The following PAPPA2 variants were observed in gnomAD, a reference collection of about 807,000 sequenced individuals.
The protein encoded by PAPPA2 is pappalysin-2.
A neutral mutation model predicts 176.4 loss-of-function variants in PAPPA2; 86 were observed. The ratio of observed to expected loss-of-function variants is 0.49; its 90% CI spans 0.41 to 0.58. PAPPA2 has a LOEUF of 0.58. Among genes scored for constraint, PAPPA2 ranks in the 20% least tolerant of loss-of-function variants. The pLI is 0.00. For synonymous variants in PAPPA2, 809 were observed against 852.2 expected (o/e 0.95, Z 0.88); for missense variants, 2,073 against 2,256.9 (o/e 0.92, Z 1.65).
At chr1:176,629,922 A>G (rs1656248978) in intron 3 of PAPPA2, among the ~76,000 whole-genome samples, 1 of 152,070 alleles carries the variant, frequency 6.6e-6, no homozygotes, top group South Asian at 2.1e-4. Context: ...GTAAGGGTGT[A>G]GTGGCGGGCA....
chr1:176,587,212 G>A (rs542449891), intron 2 of PAPPA2, among the ~76,000 whole-genome samples: 1 of 151,944 alleles, frequency 6.6e-6, no homozygotes, highest in East Asian at 1.9e-4. Context: ...TGGATAGACT[G>A]CAAAAATTTT....
At chr1:176,665,497 A>G (rs1016868242) in intron 3 of PAPPA2, among the ~76,000 whole-genome samples, 2 of 152,184 alleles carry the variant, frequency 1.3e-5, no homozygotes, top group Admixed American at 1.3e-4. Flanking sequence ...AATTCTTGCC[A>G]GAAATGGAGA....
Position 176,556,200 on chromosome 1 carries a change from G to A in PAPPA2, c.-123G>A. On this transcript the variant is annotated 5_prime_UTR_variant, in exon 2 of 23. Coordinates refer to ENST00000367662, the MANE Select transcript of PAPPA2 (RefSeq NM_020318.3). ...GGCTATTTGAAAAAGTTTGGTCTGT[G>A]AACAAAACAGTTTCCCTGGTGACTG... is the stretch of plus-strand genomic sequence containing the variant. 1.6e-6 allele frequency: 2 copies of A among 1,213,646 alleles called. No homozygotes were observed. The highest frequency in any genetic ancestry group is 1.5e-5 in the South Asian group (1 of 68,010). 75.2% of individuals were successfully genotyped at this position (1,213,646 alleles called of 1,614,324 possible).
intron 21 of PAPPA2, among the ~76,000 whole-genome samples, chr1:176,802,905 C>T (rs533756833): frequency 2.0e-5 from 3 of 152,350 alleles, no homozygotes; most frequent in African/African-American, 7.2e-5. Context: ...TTTAAAAACT[C>T]TTATCTAAAT....
At chr1:176,778,048 TAA>T (rs57909250) in intron 17 of PAPPA2, among the ~76,000 whole-genome samples, 10 of 130,716 alleles carry the variant, frequency 7.7e-5, no homozygotes, top group African/African-American at 1.9e-4. Context: ...CAAAACAAAT[TAA>T]AAAAAAAAAA....
intron 3 of PAPPA2, among the ~76,000 whole-genome samples, chr1:176,614,957 T>C (rs1297269651): frequency 6.6e-6 from 1 of 152,056 alleles, no homozygotes; most frequent in Non-Finnish European, 1.5e-5. Context: ...GTAAGTGAGA[T>C]TGGGAAGAGA....
intron 17 of PAPPA2, among the ~76,000 whole-genome samples, chr1:176,779,905 C>A (rs1350645898): frequency 1.3e-5 from 2 of 152,160 alleles, no homozygotes; most frequent in Non-Finnish European, 2.9e-5. Flanking sequence ...CCGATTCTCC[C>A]TTTTCAGTCA....
chr1:176,844,809 G>A lies in PAPPA2; in HGVS notation c.*2355G>A, dbSNP rs1270043441. ...TTATCCTGGGCATTACTCAGCTCAG[G>A]AACATGGAGCCTGTGGTTCATGCCA... On this transcript the variant is annotated 3_prime_UTR_variant, in exon 23 of 23. Transcript: ENST00000367662. 1.3e-5 allele frequency: 2 copies of A among 152,158 alleles called. No homozygotes were observed. Among genetic ancestry groups the A allele is most frequent in the Non-Finnish European group, 2.9e-5 (2 of 68,038 alleles). 9.4% of individuals were successfully genotyped at this position (152,158 alleles called of 1,614,324 possible).
At chr1:176,711,734 A>G (rs1661154301) in intron 11 of PAPPA2, 101 bp from the exon 12 acceptor site, 3 of 1,346,472 alleles carry the variant, frequency 2.2e-6, no homozygotes, top group Non-Finnish European at 3.1e-6. Flanking sequence ...TTAGGCATTC[A>G]GAAAGAGAGA....
intron 21 of PAPPA2, among the ~76,000 whole-genome samples, chr1:176,825,884 A>T (rs1268700053): frequency 6.6e-6 from 1 of 152,198 alleles, no homozygotes; most frequent in Non-Finnish European, 1.5e-5. Context: ...AGAACCATTG[A>T]TACGAAGAGT....
chr1:176,710,398 G>A (rs571440778), intron 11 of PAPPA2, among the ~76,000 whole-genome samples: 1 of 152,214 alleles, frequency 6.6e-6, no homozygotes, highest in African/African-American at 2.4e-5. Context: ...CTGGAAAAAT[G>A]GGTATAGTAA....
At chr1:176,824,412 T>C (rs1335034840) in intron 21 of PAPPA2, among the ~76,000 whole-genome samples, 1 of 152,256 alleles carries the variant, frequency 6.6e-6, no homozygotes, top group Non-Finnish European at 1.5e-5. Flanking sequence ...CACATTTGGC[T>C]AAGTGATGCT....
At chr1:176,603,573 A>G (rs569714528) in intron 3 of PAPPA2, among the ~76,000 whole-genome samples, 18 of 152,304 alleles carry the variant, frequency 1.2e-4, no homozygotes, top group East Asian at 1.2e-3. Flanking sequence ...GCGCTGTCCA[A>G]TGGTTGTGGA....
At chr1:176,503,256 A>G (rs563206055) in intron 1 of PAPPA2, among the ~76,000 whole-genome samples, 1 of 152,270 alleles carries the variant, frequency 6.6e-6, no homozygotes, top group South Asian at 2.1e-4. Context: ...TCACTCTGAC[A>G]GTGATGAAGA....
At chr1:176,492,149 G>A (rs1647324233) in intron 1 of PAPPA2, among the ~76,000 whole-genome samples, 2 of 152,176 alleles carry the variant, frequency 1.3e-5, no homozygotes, top group African/African-American at 4.8e-5. Flanking sequence ...ACTCAATGGT[G>A]CTCACAGAGC....
chr1:176,628,873 A>G (rs1656180980), intron 3 of PAPPA2, among the ~76,000 whole-genome samples: 1 of 152,206 alleles, frequency 6.6e-6, no homozygotes, highest in Non-Finnish European at 1.5e-5. Context: ...TGCTCTTCAC[A>G]AGATATATTG....
intron 12 of PAPPA2, among the ~76,000 whole-genome samples, chr1:176,717,054 C>G (rs1661411976): frequency 6.6e-6 from 1 of 152,166 alleles, no homozygotes; most frequent in Admixed American, 6.5e-5. Context: ...AGGCAGAAAG[C>G]AAAGTAAAAT....
At chr1:176,545,271 C>A (rs565867642) in intron 1 of PAPPA2, among the ~76,000 whole-genome samples, 1 of 152,152 alleles carries the variant, frequency 6.6e-6, no homozygotes, top group Non-Finnish European at 1.5e-5. Flanking sequence ...AAAAAATGCT[C>A]CTTTCACCTT....
chr1:176,790,174 A>T (rs138734696), intron 18 of PAPPA2, among the ~76,000 whole-genome samples, 197 bp downstream of exon 18: 1 of 152,284 alleles, frequency 6.6e-6, no homozygotes, highest in East Asian at 1.9e-4. Context: ...TGAGTTCAGA[A>T]CTTCCTCTGA....
Sources: allele counts gnomAD v4.1 joint callset (sites outside exome capture counted in the v4.1 genomes callset), GRCh38; gene constraint gnomAD v4.1.1; transcripts MANE v1.5; gene names NCBI Gene and HGNC (gene_info 2026-07-23, HGNC 2026-07-21).